USH2A: variants seen among roughly 807,000 people sequenced by gnomAD.
USH2A encodes Usher syndrome 2A (autosomal recessive, mild).
Under a neutral mutation model 538.9 loss-of-function variants are expected in USH2A, and 443 were observed. The observed-to-expected ratio is 0.82, with a 90% CI of 0.76 to 0.89. The LOEUF (loss-of-function observed/expected upper bound fraction) is 0.89. USH2A is among the 40% of genes least tolerant of loss of function. The probability of loss-of-function intolerance (pLI) is 0.00; values close to 1 mark genes in which losing one functional copy is unlikely to be tolerated. For synonymous variants in USH2A, 2,413 were observed against 2,273.5 expected, an observed-to-expected ratio of 1.06 and a Z score of -1.75; for missense variants, 6,633 against 6,324.8, an observed-to-expected ratio of 1.05 and a Z score of -1.65.
chr1:215,804,173 TA>T (rs1662421965), intron 49 of USH2A, among the ~76,000 whole-genome samples: 2 of 152,190 alleles, frequency 1.3e-5, no homozygotes, highest in Admixed American at 6.5e-5. Flanking sequence ...CCTAAAACCA[TA>T]AAAACCCTAG....
rs1558203898 is a variant in USH2A, at chr1:216,000,426, C to T, written c.6462G>A (p.Leu2154=). The part of the protein sequence containing the change: ...EHVDSPVLTV[L]DSRTIHIQWK... ...ACTGTATGTGTATAGTTCTAGAATC[C>T]AGGACAGTCAGAACTGGGGAATCCA... The change falls in exon 33 of 72, where the codon CTG becomes CTA. Residue 2154 remains leucine (L), a synonymous_variant. Transcript: ENST00000307340. 3.1e-6 allele frequency: 5 copies of T among 1,613,584 alleles called. No individual in the cohort carries two copies. The highest frequency in any genetic ancestry group is 4.2e-6 in the Non-Finnish European group (5 of 1,179,694).
At chr1:215,822,413 T>A (rs1285155742) in intron 47 of USH2A, among the ~76,000 whole-genome samples, 1 of 151,938 alleles carries the variant, frequency 6.6e-6, no homozygotes, top group Admixed American at 6.6e-5. Context: ...TCTTGATTTC[T>A]TTTCAGATTG....
chr1:215,789,878 T>C (rs1196494636), intron 51 of USH2A, among the ~76,000 whole-genome samples, 181 bp downstream of exon 51: 1 of 152,186 alleles, frequency 6.6e-6, no homozygotes, highest in African/African-American at 2.4e-5. Flanking sequence ...TTAATTCCTT[T>C]AGAATTCATT....
intron 48 of USH2A, 112 bp downstream of exon 48, chr1:215,816,885 T>C (rs1662872599): frequency 8.5e-7 from 1 of 1,182,838 alleles, no homozygotes; most frequent in Non-Finnish European, 1.2e-6. Flanking sequence ...GTCTTCTTCA[T>C]AGAGTAGTGG....
Position 215,949,863 on chromosome 1 carries a change from CA to C in USH2A, c.7121-15069del, listed in dbSNP as rs1272587904. Among the ~76,000 whole-genome samples, 23 of 152,044 alleles carry C rather than the reference CA, an allele frequency of 1.5e-4. 1 individual carries two copies. Among genetic ancestry groups the C allele is most frequent in the Admixed American group, 1.5e-3 (23 of 15,264 alleles). On this transcript the variant is annotated intron_variant, in intron 37 of 71. Transcript: ENST00000307340. ...ATTTTAGCTTCCATAAATACCAAAA[CA>C]AATTTTAAAACCTCTAAAATATTCT... is the stretch of plus-strand genomic sequence containing the variant.
intron 34 of USH2A, among the ~76,000 whole-genome samples, chr1:215,997,120 C>T (rs1424784235): frequency 1.3e-5 from 2 of 152,024 alleles, no homozygotes; most frequent in Non-Finnish European, 2.9e-5. Flanking sequence ...CCAGGATGAA[C>T]CTAAAATGTT....
intron 11 of USH2A, among the ~76,000 whole-genome samples, chr1:216,266,592 A>C (rs554394439): frequency 0.012 from 1,777 of 152,246 alleles, 36 homozygotes; most frequent in African/African-American, 0.041. Flanking sequence ...AACAGACAAC[A>C]GCAACAAGAA....
chr1:216,189,898 C>T (rs2034681037), intron 20 of USH2A, among the ~76,000 whole-genome samples: 1 of 151,974 alleles, frequency 6.6e-6, no homozygotes, highest in Non-Finnish European at 1.5e-5. Context: ...CACGCTACAA[C>T]TAATTACATT....
intron 21 of USH2A, among the ~76,000 whole-genome samples, chr1:216,127,338 G>A (rs2033275775): frequency 6.6e-6 from 1 of 152,190 alleles, no homozygotes; most frequent in Non-Finnish European, 1.5e-5. Flanking sequence ...GAAGTCAGTA[G>A]AGAGTAGACA....
intron 34 of USH2A, among the ~76,000 whole-genome samples, chr1:215,996,590 T>G (rs1040649238): frequency 1.2e-5 from 1 of 86,810 alleles, no homozygotes; most frequent in Non-Finnish European, 2.4e-5. Flanking sequence ...TTTTTTTTTT[T>G]TTTTTGCAGT....
intron 66 of USH2A, 102 bp downstream of exon 66, chr1:215,648,426 T>C (rs1656930593): frequency 1.6e-6 from 2 of 1,223,810 alleles, no homozygotes; most frequent in Admixed American, 1.7e-5. Context: ...GCCAGGTAGC[T>C]ATACAGGTTT....
intron 47 of USH2A, among the ~76,000 whole-genome samples, chr1:215,825,809 A>C (rs2102804473): frequency 6.6e-6 from 1 of 152,342 alleles, no homozygotes; most frequent in South Asian, 2.1e-4. Context: ...TTTGCTTTCA[A>C]GTCAAGTCAC....
chr1:216,098,512 G>T (rs1297437606), intron 21 of USH2A, among the ~76,000 whole-genome samples: 3 of 152,074 alleles, frequency 2.0e-5, no homozygotes, highest in Non-Finnish European at 2.9e-5. Flanking sequence ...GGTGGGTGGT[G>T]GTTAACTCAG....
At chr1:216,085,103 G>A in intron 24 of USH2A, 1 of 509,906 alleles carries the variant, frequency 2.0e-6, no homozygotes. Flanking sequence ...AGAAACAGAT[G>A]TTTATGCAGA....
chr1:215,931,294 AATAAG>A (rs1424427853), intron 38 of USH2A, among the ~76,000 whole-genome samples: 3 of 151,936 alleles, frequency 2.0e-5, no homozygotes, highest in Non-Finnish European at 4.4e-5. Flanking sequence ...AGGACTGGCA[AATAAG>A]ATGTGTCCTG....
chr1:216,123,690 A>G (rs892293282), intron 21 of USH2A, among the ~76,000 whole-genome samples: 11 of 152,158 alleles, frequency 7.2e-5, no homozygotes, highest in Admixed American at 4.6e-4. Context: ...TGGAAATTCA[A>G]TGTTCCTGAC....
intron 3 of USH2A, among the ~76,000 whole-genome samples, chr1:216,418,033 G>T (rs188970595): frequency 1.3e-5 from 2 of 152,138 alleles, no homozygotes. Flanking sequence ...AACACCTTTT[G>T]AGTGCCTCAA....
At chr1:216,214,256 T>A (rs1395607303) in intron 15 of USH2A, among the ~76,000 whole-genome samples, 1 of 152,088 alleles carries the variant, frequency 6.6e-6, no homozygotes, top group African/African-American at 2.4e-5. Context: ...TGTTCATGGA[T>A]GCATTATTCA....
chr1:216,336,438 T>C (rs2037976700), intron 4 of USH2A, among the ~76,000 whole-genome samples: 1 of 151,188 alleles, frequency 6.6e-6, no homozygotes, highest in African/African-American at 2.4e-5. Context: ...AATCTTTCCA[T>C]ATTGAAAAAG....
Sources: allele counts gnomAD v4.1 joint callset (sites outside exome capture counted in the v4.1 genomes callset), GRCh38; gene constraint gnomAD v4.1.1; transcripts MANE v1.5; gene names NCBI Gene and HGNC (gene_info 2026-07-23, HGNC 2026-07-21).